The following UTRN variants were observed in gnomAD, a reference collection of about 807,000 sequenced individuals.
UTRN encodes the protein utrophin, also known as dystrophin-related protein 1.
Under a neutral mutation model 463.9 loss-of-function variants are expected in UTRN, and 283 were observed. That is an observed-to-expected ratio of 0.61 (90% confidence interval 0.55 to 0.67). UTRN has a LOEUF of 0.67. UTRN is among the 30% of genes least tolerant of loss of function. The probability of loss-of-function intolerance (pLI) is 0.00; values close to 1 mark genes in which losing one functional copy is unlikely to be tolerated. For missense variants in UTRN, 3,922 were observed against 4,084.3 expected, an observed-to-expected ratio of 0.96 and a Z score of 1.08; for synonymous variants, 1,442 against 1,431.5, an observed-to-expected ratio of 1.01 and a Z score of -0.17.
rs771059872 is a variant in UTRN at position 144,708,320 on chromosome 6, A to G, written c.7809+8077A>G. 183 of 667,732 alleles carry G rather than the reference A, an allele frequency of 2.7e-4. 1 individual carries two copies. The highest frequency in any genetic ancestry group is 5.5e-4 in the South Asian group (40 of 73,258). The allele number at this position is 667,732 out of a possible 1,614,324, so 41.4% of individuals were successfully genotyped here. On this transcript the variant is annotated intron_variant, in intron 53 of 74. Coordinates refer to ENST00000367545, the MANE Select transcript of UTRN (RefSeq NM_007124.3). Reference sequence around the variant, plus strand: ...TTTACAAGACCATGTATAAACCAAGAAGTCTTCTGTATTTTCCAGTCCCAA... The same window carrying G: ...TTTACAAGACCATGTATAAACCAAGGAGTCTTCTGTATTTTCCAGTCCCAA...
chr6:144,733,448 C>T (rs1788994456), intron 54 of UTRN, among the ~76,000 whole-genome samples: 1 of 144,550 alleles, frequency 6.9e-6, no homozygotes. Flanking sequence ...ACCCGGGAGG[C>T]AGAGATTGCA....
At chr6:144,347,837 G>GTTT (rs560581181) in intron 2 of UTRN, among the ~76,000 whole-genome samples, 1,543 of 128,692 alleles carry the variant, frequency 0.012, 174 homozygotes, top group African/African-American at 0.044. Flanking sequence ...CTTATTCTTT[G>GTTT]TTTTTTTTTT....
intron 2 of UTRN, among the ~76,000 whole-genome samples, chr6:144,303,173 A>G (rs890225683): frequency 3.9e-5 from 6 of 152,332 alleles, no homozygotes; most frequent in Middle Eastern, 3.4e-3. Context: ...GACTTGGACC[A>G]GAGTGGTACA....
At chr6:144,780,013 A>G (rs1245279993) in intron 60 of UTRN, among the ~76,000 whole-genome samples, 1 of 152,162 alleles carries the variant, frequency 6.6e-6, no homozygotes, top group African/African-American at 2.4e-5. Context: ...ATGGGTTTAA[A>G]GCAGTTCTTT....
chr6:144,403,254 T>G (rs1354720844), intron 3 of UTRN, 70 bp downstream of exon 3: 4 of 1,404,624 alleles, frequency 2.8e-6, no homozygotes, highest in Non-Finnish European at 4.0e-6. Flanking sequence ...TGGTTGGAAG[T>G]GCAGTGAATT....
Position 144,407,934 on chromosome 6 carries a change from A to T in UTRN, c.141+4750A>T, listed in dbSNP as rs898786495. Among the ~76,000 whole-genome samples the T allele has an allele frequency of 4.6e-5, 7 of 152,182 alleles. No individual in the cohort carries two copies. The South Asian group carries it at 6.2e-4, about 14-fold the overall frequency. On this transcript the variant is annotated intron_variant, in intron 3 of 74. Coordinates refer to ENST00000367545, the MANE Select transcript of UTRN (RefSeq NM_007124.3). ...ATCTAAAAAAAGCTAAAAATTAGGA[A>T]ATTAAACACTTATTTCTGGATATCC...
chr6:144,444,427 T>A, intron 14 of UTRN, 45 bp downstream of exon 14: 1 of 1,461,740 alleles, frequency 6.8e-7, no homozygotes, highest in Non-Finnish European at 9.3e-7. Flanking sequence ...TGGTGAAAAG[T>A]AACCCATCTT....
At chr6:144,613,358 T>G (rs1805726313) in intron 51 of UTRN, among the ~76,000 whole-genome samples, 1 of 152,004 alleles carries the variant, frequency 6.6e-6, no homozygotes, top group Non-Finnish European at 1.5e-5. Flanking sequence ...TATTTCAAAA[T>G]TTCTAAGAGA....
chr6:144,715,950 A>G (rs1385569610), intron 53 of UTRN, among the ~76,000 whole-genome samples: 1 of 152,122 alleles, frequency 6.6e-6, no homozygotes, highest in African/African-American at 2.4e-5. Context: ...AAATATTCCT[A>G]CTTTAAATAG....
At position 144,681,690 on chromosome 6, in the gene UTRN, GGAAGA is replaced by G. The variant is rs544203607; in HGVS notation, c.7652+3114_7652+3118del. Among the ~76,000 whole-genome samples, 648 of 152,170 alleles carry G rather than the reference GGAAGA, an allele frequency of 4.3e-3. 2 individuals are homozygous for G. Among genetic ancestry groups the G allele is most frequent in the African/African-American group, 0.014 (576 of 41,514 alleles). ...TATCTCAAGGAACTCATCTGTGAAG[GGAAGA>G]GGAGGGAAGAATGCATTTGCTCTAT... is the stretch of plus-strand genomic sequence containing the variant. On this transcript the variant is annotated intron_variant, in intron 52 of 74. Coordinates refer to ENST00000367545, the MANE Select transcript of UTRN (RefSeq NM_007124.3).
chr6:144,339,999 T>C (rs1390473567), intron 2 of UTRN, among the ~76,000 whole-genome samples: 1 of 152,138 alleles, frequency 6.6e-6, no homozygotes, highest in Non-Finnish European at 1.5e-5. Flanking sequence ...GAAAGCCGTC[T>C]CTACTAGAAA....
chr6:144,388,420 G>T (rs1370337257), intron 2 of UTRN, among the ~76,000 whole-genome samples: 1 of 151,882 alleles, frequency 6.6e-6, no homozygotes, highest in African/African-American at 2.4e-5. Context: ...TCAAGCGATT[G>T]TCCCACCCTA....
chr6:144,603,926 A>G (rs2128638106), intron 51 of UTRN, among the ~76,000 whole-genome samples: 1 of 152,346 alleles, frequency 6.6e-6, no homozygotes, highest in East Asian at 1.9e-4. Flanking sequence ...AGAGCCTCAT[A>G]TGATTTCCAT....
chr6:144,605,499 G>A (rs930731144), intron 51 of UTRN, among the ~76,000 whole-genome samples: 1 of 151,568 alleles, frequency 6.6e-6, no homozygotes, highest in African/African-American at 2.4e-5. Flanking sequence ...ATTTCATTGT[G>A]ACCGAATAAC....
chr6:144,830,760 A>G (rs1374072918), intron 69 of UTRN, among the ~76,000 whole-genome samples: 1 of 150,482 alleles, frequency 6.6e-6, no homozygotes, highest in Non-Finnish European at 1.5e-5. Flanking sequence ...CTCATCAGCT[A>G]TCATTAGTGT....
chr6:144,687,743 A>G (rs1782912495), intron 52 of UTRN, among the ~76,000 whole-genome samples: 2 of 152,038 alleles, frequency 1.3e-5, no homozygotes, highest in South Asian at 2.1e-4. Flanking sequence ...GTTTTTCTTT[A>G]TAGGTTACTT....
At chr6:144,528,772 G>C (rs545330330) in intron 41 of UTRN, among the ~76,000 whole-genome samples, 5 of 152,224 alleles carry the variant, frequency 3.3e-5, no homozygotes, top group Non-Finnish European at 7.3e-5. Context: ...GTTTTCTGTT[G>C]GTTGGCCCCC....
At chr6:144,429,972 C>A (rs1161808588) in intron 9 of UTRN, among the ~76,000 whole-genome samples, 1 of 152,180 alleles carries the variant, frequency 6.6e-6, no homozygotes, top group African/African-American at 2.4e-5. Context: ...TTTCACCCAG[C>A]AAAACTGGGC....
At chr6:144,786,065 A>T (rs1410052695) in intron 61 of UTRN, among the ~76,000 whole-genome samples, 1 of 152,196 alleles carries the variant, frequency 6.6e-6, no homozygotes, top group Non-Finnish European at 1.5e-5. Context: ...TAGTTAAACC[A>T]GTTTAAAGAG....
Sources: allele counts gnomAD v4.1 joint callset (sites outside exome capture counted in the v4.1 genomes callset), GRCh38; gene constraint gnomAD v4.1.1; transcripts MANE v1.5; gene names NCBI Gene and HGNC (gene_info 2026-07-23, HGNC 2026-07-21).